Variants in RBPJ observed in about 807,000 individuals in gnomAD.
The protein encoded by RBPJ is recombination signal binding protein for immunoglobulin kappa J region.
A neutral mutation model predicts 67.8 loss-of-function variants in RBPJ; 9 were observed. The observed-to-expected ratio is 0.13, with a 90% CI of 0.08 to 0.23. The LOEUF is 0.23. Ranked by LOEUF, RBPJ falls within the 10% of genes least tolerant of loss-of-function variation. The pLI is 1.00. For synonymous variants in RBPJ, 198 were observed against 203.3 expected, an observed-to-expected ratio of 0.97 and a Z score of 0.22; for missense variants, 305 against 595.6, an observed-to-expected ratio of 0.51 and a Z score of 5.08.
In RBPJ at chr4:26,424,314, A is replaced by G. The variant is rs765102737; in HGVS notation, c.497-28A>G. On this transcript the variant is annotated intron_variant, in intron 5 of 10. Coordinates refer to ENST00000355476, the MANE Select transcript of RBPJ (RefSeq NM_015874.6). The surrounding 1 kb of genome is among the most constrained non-coding windows in gnomAD (Gnocchi z 5.3). ...CCTCCCCACCTTCTGCTCCAATCAC[A>G]TAAATAAGAGCTGTTTTTTCTTTGC... is the stretch of plus-strand genomic sequence containing the variant. The G allele has an allele frequency of 1.9e-6, 3 of 1,609,804 alleles. No individual in the cohort carries two copies. The highest frequency in any genetic ancestry group is 2.5e-6 in the Non-Finnish European group (3 of 1,177,722).
At chr4:26,354,988 G>C (rs1330488471) in intron 1 of RBPJ, among the ~76,000 whole-genome samples, 2 of 152,092 alleles carry the variant, frequency 1.3e-5, no homozygotes, top group African/African-American at 4.8e-5. Context: ...CTCATTTAAT[G>C]AAATAATTTG....
chr4:26,270,489 G>A (rs376844766), intron 1 of RBPJ, among the ~76,000 whole-genome samples: 15 of 150,752 alleles, frequency 1.0e-4, no homozygotes, highest in African/African-American at 2.9e-4. Context: ...AAAGGAGGGA[G>A]GAAGGAAGGA....
chr4:26,117,279 A>G, the RBPJ span, among the ~76,000 whole-genome samples: 10,035 of 151,974 alleles, frequency 0.066, 1,093 homozygotes, highest in African/African-American at 0.23. Context: ...CACAAAACAG[A>G]GTACACAAAT....
intron 1 of RBPJ, among the ~76,000 whole-genome samples, chr4:26,191,255 AGG>A (rs1463945990): frequency 1.1e-4 from 14 of 130,362 alleles, no homozygotes; most frequent in African/African-American, 4.0e-4. Flanking sequence ...AGAGAGAGAG[AGG>A]GAGAGAGGGA....
intron 1 of RBPJ, among the ~76,000 whole-genome samples, chr4:26,311,682 C>G (rs1406862017): frequency 6.6e-6 from 1 of 152,138 alleles, no homozygotes; most frequent in Non-Finnish European, 1.5e-5. Context: ...TTAAATATTT[C>G]ATTTATTGAT....
At chr4:26,176,108 T>C (rs1320355734) in intron 1 of RBPJ, among the ~76,000 whole-genome samples, 1 of 152,256 alleles carries the variant, frequency 6.6e-6, no homozygotes, top group Non-Finnish European at 1.5e-5. Flanking sequence ...AGTGTAAGAA[T>C]GTCCTTAACA....
chr4:26,263,791 C>T (rs577309986), intron 1 of RBPJ, among the ~76,000 whole-genome samples: 8 of 151,748 alleles, frequency 5.3e-5, no homozygotes, highest in Non-Finnish European at 8.8e-5. Flanking sequence ...GGGCTGGTCT[C>T]GAACTCCTGA....
In RBPJ at chr4:26,420,745, T is replaced by A; in HGVS notation, c.496+20T>A. ...CTGACTGTATGTATGCTTTTCTTAT[T>A]TATCCCCAACTGCCACCATGAATTA... On this transcript the variant is annotated intron_variant, in intron 5 of 10. Transcript: ENST00000355476. 6.4e-6 allele frequency: 10 copies of A among 1,562,660 alleles called. No individual in the cohort carries two copies. Among genetic ancestry groups the A allele is most frequent in the Non-Finnish European group, 7.8e-6 (9 of 1,154,084 alleles).
At chr4:26,370,868 AAGG>A (rs988276120) in intron 1 of RBPJ, among the ~76,000 whole-genome samples, 1 of 152,040 alleles carries the variant, frequency 6.6e-6, no homozygotes, top group African/African-American at 2.4e-5. Flanking sequence ...ATCACGAGAT[AAGG>A]AGATCGAGAC....
intron 1 of RBPJ, among the ~76,000 whole-genome samples, chr4:26,230,839 A>T (rs1411594649): frequency 6.6e-6 from 1 of 152,164 alleles, no homozygotes; most frequent in African/African-American, 2.4e-5. Context: ...TGACAAGCAT[A>T]GCTTTAGGAT....
intron 1 of RBPJ, among the ~76,000 whole-genome samples, chr4:26,225,928 G>A (rs896072361): frequency 3.3e-5 from 5 of 151,662 alleles, no homozygotes; most frequent in African/African-American, 4.8e-5. Context: ...TGGATAGATC[G>A]CCTGAGGTCA....
chr4:26,181,158 G>C (rs993569120), intron 1 of RBPJ, among the ~76,000 whole-genome samples: 1 of 152,138 alleles, frequency 6.6e-6, no homozygotes, highest in African/African-American at 2.4e-5. Flanking sequence ...TTTATTAGCA[G>C]CGTTGGGAAC....
chr4:26,420,479 C>A, intron 4 of RBPJ, 72 bp from the exon 5 acceptor site: 1 of 994,606 alleles, frequency 1.0e-6, no homozygotes, highest in East Asian at 2.8e-5. Context: ...AAACCATGGC[C>A]ATTCTGAGTT....
intron 4 of RBPJ, among the ~76,000 whole-genome samples, chr4:26,417,879 A>G (rs1486384723): frequency 6.6e-6 from 1 of 152,222 alleles, no homozygotes; most frequent in African/African-American, 2.4e-5. Context: ...TTAAATATTC[A>G]CTGCAACAAA....
the RBPJ span, among the ~76,000 whole-genome samples, chr4:26,137,193 A>G: frequency 9.6e-4 from 146 of 152,308 alleles, no homozygotes; most frequent in African/African-American, 3.5e-3. Context: ...GAGAAGGCAC[A>G]GGCTTTGGAA....
At chr4:26,253,435 C>G (rs1720183619) in intron 1 of RBPJ, among the ~76,000 whole-genome samples, 1 of 148,464 alleles carries the variant, frequency 6.7e-6, no homozygotes, top group Admixed American at 6.6e-5. Flanking sequence ...GCTCAGCCTC[C>G]CGAGTAGCTG....
chr4:26,290,204 TG>T (rs1189862097), intron 1 of RBPJ, among the ~76,000 whole-genome samples: 1 of 147,586 alleles, frequency 6.8e-6, no homozygotes, highest in Non-Finnish European at 1.5e-5. Context: ...CTGGGCATGG[TG>T]GTACATGCCT....
chr4:26,214,781 AAGAAAAAG>A (rs1718595450), intron 1 of RBPJ, among the ~76,000 whole-genome samples: 1 of 131,962 alleles, frequency 7.6e-6, no homozygotes, highest in Non-Finnish European at 1.6e-5. Context: ...GAAAGAAAGA[AAGAAAAAG>A]AGAAGGAAGG....
intron 2 of RBPJ, among the ~76,000 whole-genome samples, chr4:26,402,034 A>G (rs1732873921): frequency 6.6e-6 from 1 of 151,654 alleles, no homozygotes; most frequent in South Asian, 2.1e-4. Flanking sequence ...GATTTCAGGC[A>G]TGTGCCACCA....
Sources: allele counts gnomAD v4.1 joint callset (sites outside exome capture counted in the v4.1 genomes callset), GRCh38; gene constraint gnomAD v4.1.1; non-coding constraint Gnocchi (gnomAD v3.1); transcripts MANE v1.5; gene names NCBI Gene and HGNC (gene_info 2026-07-23, HGNC 2026-07-21).